DHX37: variants seen among roughly 807,000 people sequenced by gnomAD.
DHX37 encodes the protein probable ATP-dependent RNA helicase DHX37.
DHX37 carries 52 observed loss-of-function variants against 134.3 expected under a neutral mutation model. The ratio of observed to expected loss-of-function variants is 0.39; its 90% confidence interval spans 0.31 to 0.49. The LOEUF (loss-of-function observed/expected upper bound fraction) is 0.49. Ranked by LOEUF, DHX37 falls within the 20% of genes least tolerant of loss-of-function variation. The pLI, the probability that DHX37 is intolerant of heterozygous loss-of-function variation, is 0.93. For missense variants in DHX37, 1,344 were observed against 1,580.8 expected (o/e 0.85, Z 2.54); for synonymous variants, 634 against 670.7 (o/e 0.95, Z 0.85).
intron 6 of DHX37, 137 bp downstream of exon 6, chr12:124,975,282 C>G: frequency 1.2e-6 from 1 of 853,410 alleles, no homozygotes; most frequent in African/African-American, 1.7e-5. Flanking sequence ...CACAATGATT[C>G]CCAGTGCTAC....
intron 12 of DHX37, 105 bp downstream of exon 12, chr12:124,966,688 T>G (rs528988609): frequency 8.2e-7 from 1 of 1,218,726 alleles, no homozygotes. Flanking sequence ...TAACTTCATT[T>G]TATTCCAATT....
chr12:124,970,278 G>A (rs1041299103), intron 8 of DHX37, among the ~76,000 whole-genome samples: 8 of 152,186 alleles, frequency 5.3e-5, no homozygotes, highest in African/African-American at 1.9e-4. Context: ...CCGGCCTAGG[G>A]TTTCTTGTTG....
intron 1 of DHX37, among the ~76,000 whole-genome samples, chr12:124,987,229 G>A (rs11057951): frequency 0.051 from 7,771 of 152,284 alleles, 498 homozygotes; most frequent in East Asian, 0.17. Flanking sequence ...TATAATCCCA[G>A]CTACACAGGA....
chr12:124,967,153 C>G lies in DHX37; in HGVS notation c.1474G>C (p.Ala492Pro), dbSNP rs1056553342. 1.9e-6 allele frequency: 3 copies of G among 1,613,812 alleles called. No homozygotes were observed. Among genetic ancestry groups the G allele is most frequent in the Non-Finnish European group, 1.7e-6 (2 of 1,180,026 alleles). ...VHALCRRLRKAFPPSRARPQE... is the reference protein window; with the variant it reads ...VHALCRRLRKPFPPSRARPQE... ...GGCCGGGCTCTGGAGGGTGGGAAAGCCTTCCTGAGCCTGCGGCACAGCGCA... is the reference window on the plus strand; with the variant it reads ...GGCCGGGCTCTGGAGGGTGGGAAAGGCTTCCTGAGCCTGCGGCACAGCGCA... Residue 492 changes from alanine to proline, a missense_variant, in exon 11 of 27, where the codon GCT becomes CCT. Transcript: ENST00000308736.
At chr12:124,957,161 G>A (rs755509556) in intron 16 of DHX37, 26 bp from the exon 17 acceptor site, 3 of 1,478,094 alleles carry the variant, frequency 2.0e-6, no homozygotes, top group Non-Finnish European at 2.7e-6. Context: ...ACGTGGCAGG[G>A]ACAGGGTGAA....
At chr12:124,984,009 T>G (rs1281545601) in intron 2 of DHX37, among the ~76,000 whole-genome samples, 1 of 152,132 alleles carries the variant, frequency 6.6e-6, no homozygotes, top group Non-Finnish European at 1.5e-5. Flanking sequence ...TAGGGCCAAA[T>G]AAGTTTTTGT....
intron 6 of DHX37, among the ~76,000 whole-genome samples, chr12:124,973,398 C>G (rs998614397): frequency 1.3e-5 from 2 of 150,312 alleles, no homozygotes; most frequent in African/African-American, 4.9e-5. Flanking sequence ...AGTGAAACTC[C>G]GTCTCAAAAA....
chr12:124,975,653 C>G, intron 5 of DHX37, 142 bp from the exon 6 acceptor site: 1 of 790,294 alleles, frequency 1.3e-6, no homozygotes, highest in Non-Finnish European at 2.0e-6. Context: ...GGTTGCACTA[C>G]TTTTAACAGC....
intron 6 of DHX37, among the ~76,000 whole-genome samples, chr12:124,974,329 C>G (rs1954585826): frequency 6.6e-6 from 1 of 151,876 alleles, no homozygotes; most frequent in African/African-American, 2.4e-5. Flanking sequence ...CGCATGCCAA[C>G]TATGCACAGA....
chr12:124,959,096 C>T (rs1294968228), intron 16 of DHX37, among the ~76,000 whole-genome samples: 3 of 120,760 alleles, frequency 2.5e-5, no homozygotes, highest in African/African-American at 4.0e-5. Context: ...TTTTTGGAGA[C>T]GGAGTCTCGC....
intron 18 of DHX37, among the ~76,000 whole-genome samples, chr12:124,955,318 G>A (rs1337465551): frequency 1.3e-5 from 2 of 152,358 alleles, no homozygotes; most frequent in African/African-American, 2.4e-5. Context: ...TGCTGACTGC[G>A]TGAGCTGGGT....
At chr12:124,987,225 C>G (rs940299340) in intron 1 of DHX37, among the ~76,000 whole-genome samples, 5 of 152,214 alleles carry the variant, frequency 3.3e-5, no homozygotes, top group Admixed American at 1.3e-4. Context: ...CACCTATAAT[C>G]CCAGCTACAC....
At position 124,970,811 on chromosome 12, in the gene DHX37, C is replaced by A. The variant is rs113352385; in HGVS notation, c.1191+491G>T. Among the ~76,000 whole-genome samples the A allele has an allele frequency of 2.0e-3, 309 of 152,310 alleles. 2 individuals are homozygous for A. Among genetic ancestry groups the A allele is most frequent in the African/African-American group, 7.1e-3 (295 of 41,566 alleles). ...CTCCCCGCCGGGAGGGTGAGACAGG[C>A]CTACTGCATGAAGCCGCGCCCCAGG... On this transcript the variant is annotated intron_variant, in intron 8 of 26. Coordinates refer to ENST00000308736, the MANE Select transcript of DHX37 (RefSeq NM_032656.4).
chr12:124,951,237 C>T (rs979523551), intron 21 of DHX37, among the ~76,000 whole-genome samples: 44 of 150,162 alleles, frequency 2.9e-4, no homozygotes, highest in African/African-American at 9.6e-4. Flanking sequence ...GCTGAGATCA[C>T]GCCATTGCAC....
chr12:124,951,834 T>C (rs950980208), intron 21 of DHX37, among the ~76,000 whole-genome samples: 5 of 152,152 alleles, frequency 3.3e-5, no homozygotes, highest in African/African-American at 1.2e-4. Flanking sequence ...TAGCTGGGCA[T>C]GGTGGCACAC....
chr12:124,980,724 C>A lies in DHX37; in HGVS notation c.504G>T (p.Glu168Asp). 1 of 1,280,820 alleles carries A rather than the reference C, an allele frequency of 7.8e-7. No homozygotes were observed. Among genetic ancestry groups the A allele is most frequent in the Non-Finnish European group, 1.0e-6 (1 of 988,124 alleles). The allele number at this position is 1,280,820 out of a possible 1,614,324, so 79.3% of individuals were successfully genotyped here. The change falls in exon 4 of 27, where the codon GAG becomes GAT. Residue 168 changes from glutamate to aspartate, a missense_variant. Glu to Asp is a conservative substitution (Grantham distance 45). This residue lies in a region of DHX37 where 319 missense variants were observed against 296.1 expected (regional missense o/e 1.08). Coordinates refer to ENST00000308736, the MANE Select transcript of DHX37 (RefSeq NM_032656.4). The surrounding 1 kb of genome is among the most constrained non-coding windows in gnomAD (Gnocchi z 5.3). Reference protein sequence around the residue: ...SAEEEEEEEEESESELEEESE... With the variant: ...SAEEEEEEEEDSESELEEESE... ...ACTCCTCCTCCAGCTCCGATTCCGA[C>A]TCCTCCTCCTCCTCCTCCTCCTCCT...
At chr12:124,974,250 G>A (rs138106516) in intron 6 of DHX37, among the ~76,000 whole-genome samples, 3,138 of 151,074 alleles carry the variant, frequency 0.021, 119 homozygotes, top group African/African-American at 0.072. Flanking sequence ...CACCGCACCC[G>A]GCCACCCAGT....
chr12:124,948,088 G>A lies in DHX37; in HGVS notation c.3384C>T (p.Pro1128=). 6.2e-7 allele frequency: 1 copy of A among 1,614,240 alleles called. No homozygotes were observed. The highest frequency in any genetic ancestry group is 8.5e-7 in the Non-Finnish European group (1 of 1,180,054). ...EALLAAWKKN[P]KYLLAEYCEW... Reference sequence around the variant, plus strand: ...CCTGGCCCTGGTCAAACTCACATTTGGGGTTTTTCTTCCAAGCAGCCAGCA... The same window carrying A: ...CCTGGCCCTGGTCAAACTCACATTTAGGGTTTTTCTTCCAAGCAGCCAGCA... The change falls in exon 26 of 27, where the codon CCC becomes CCT. Residue 1128 remains proline (P), a synonymous_variant. Coordinates refer to ENST00000308736, the MANE Select transcript of DHX37 (RefSeq NM_032656.4).
At chr12:124,960,761 C>T (rs1157400417) in intron 15 of DHX37, among the ~76,000 whole-genome samples, 1 of 152,200 alleles carries the variant, frequency 6.6e-6, no homozygotes, top group Admixed American at 6.5e-5. Flanking sequence ...CAAGACCAGC[C>T]TGGCCAACAT....
Sources: allele counts gnomAD v4.1 joint callset (sites outside exome capture counted in the v4.1 genomes callset), GRCh38; gene constraint gnomAD v4.1.1; regional missense constraint gnomAD v4.1.1; non-coding constraint Gnocchi (gnomAD v3.1); transcripts MANE v1.5; gene names NCBI Gene and HGNC (gene_info 2026-07-23, HGNC 2026-07-21).